The following ERGIC1 variants were observed in gnomAD, a reference collection of about 807,000 sequenced individuals.
ERGIC1 encodes the protein endoplasmic reticulum-golgi intermediate compartment 1.
ERGIC1 carries 19 observed loss-of-function variants against 38.3 expected under a neutral mutation model. The ratio of observed to expected loss-of-function variants is 0.50; its 90% CI spans 0.35 to 0.73. The LOEUF is 0.73. Ranked by LOEUF, ERGIC1 falls within the 30% of genes least tolerant of loss-of-function variation. The pLI is 0.01. For missense variants in ERGIC1, 294 were observed against 389.2 expected (o/e 0.76, Z 2.06); for synonymous variants, 124 against 157.6 (o/e 0.79, Z 1.60).
chr5:172,872,739 C>A (rs537998374), intron 1 of ERGIC1, among the ~76,000 whole-genome samples: 1 of 151,844 alleles, frequency 6.6e-6, no homozygotes, highest in Non-Finnish European at 1.5e-5. Context: ...TGCTTGAGCC[C>A]GGGATGGGGA....
At position 172,935,766 on chromosome 5, in the gene ERGIC1, C is replaced by G. The variant is rs181025407; in HGVS notation, c.765+456C>G. On this transcript the variant is annotated intron_variant, in intron 9 of 9. Coordinates refer to ENST00000393784, the MANE Select transcript of ERGIC1 (RefSeq NM_001031711.3). The stretch of plus-strand genomic sequence containing the variant: ...TTTCCCTTTCCTTCCTCTCTGTTCT[C>G]TCTTTTTTGCCATGGTCTCTACCAC... 1.7e-3 allele frequency: 284 copies of G among 167,576 alleles called. 2 individuals are homozygous for G. The highest frequency in any genetic ancestry group is 6.6e-3 in the African/African-American group (276 of 41,888). The allele number at this position is 167,576 out of a possible 1,614,324, so 10.4% of individuals were successfully genotyped here.
rs555965789 is a variant in ERGIC1, at chr5:172,906,185, G to A, written c.156-3482G>A. The A allele has an allele frequency of 6.6e-5, 30 of 456,168 alleles. No individual in the cohort carries two copies. In the East Asian group the frequency reaches 1.5e-3, roughly 23 times the overall value. The allele number at this position is 456,168 out of a possible 1,614,324, so 28.3% of individuals were successfully genotyped here. ...TACAAGCAAGGTCAAGCGCAGGTCCGTGTCTCCCCTCTCCCATCCTAAGGC... is the reference window on the plus strand; with the variant it reads ...TACAAGCAAGGTCAAGCGCAGGTCCATGTCTCCCCTCTCCCATCCTAAGGC... On this transcript the variant is annotated intron_variant, in intron 3 of 9. Coordinates refer to ENST00000393784, the MANE Select transcript of ERGIC1 (RefSeq NM_001031711.3).
At position 172,861,008 on chromosome 5, in the gene ERGIC1, T is replaced by G. The variant is rs1761684223; in HGVS notation, c.20+26575T>G. ...TCTGGGTGAAACTCATCCACCCTCCTGGGCACTCTGCGCTCTGCTTCAAAT... is the reference window on the plus strand; with the variant it reads ...TCTGGGTGAAACTCATCCACCCTCCGGGGCACTCTGCGCTCTGCTTCAAAT... On this transcript the variant is annotated intron_variant, in intron 1 of 9. Coordinates refer to ENST00000393784, the MANE Select transcript of ERGIC1 (RefSeq NM_001031711.3). 2.6e-5 allele frequency among the ~76,000 whole-genome samples: 4 copies of G among 152,128 alleles called. No individual in the cohort carries two copies. The South Asian group carries it at 8.3e-4, about 32-fold the overall frequency.
At chr5:172,929,529 G>A (rs1763729387) in intron 7 of ERGIC1, among the ~76,000 whole-genome samples, 1 of 152,122 alleles carries the variant, frequency 6.6e-6, no homozygotes, top group Non-Finnish European at 1.5e-5. Context: ...TGTATCAAAG[G>A]CCTTAAAAAT....
rs1338220456 is a variant in ERGIC1, at chr5:172,909,692, C to G, written c.181C>G (p.Pro61Ala). 1.2e-6 allele frequency: 2 copies of G among 1,614,190 alleles called. No homozygotes were observed. Among genetic ancestry groups the G allele is most frequent in the Non-Finnish European group, 8.5e-7 (1 of 1,180,024 alleles). ...EVVNELYVDD[P>A]DKDSGGKIDV... ...TGTGAACGAGCTCTATGTCGATGAC[C>G]CAGACAAGGACAGCGGTGGCAAGAT... Residue 61 changes from proline to alanine, a missense_variant, in exon 4 of 10, where the codon CCA becomes GCA. By Grantham distance (27) the Pro-to-Ala change is conservative. This residue lies in a region of ERGIC1 where 163 missense variants were observed against 225.8 expected (regional missense o/e 0.72). Coordinates refer to ENST00000393784, the MANE Select transcript of ERGIC1 (RefSeq NM_001031711.3).
intron 1 of ERGIC1, among the ~76,000 whole-genome samples, chr5:172,843,241 G>A (rs4867692): frequency 0.17 from 25,188 of 152,094 alleles, 2,229 homozygotes; most frequent in East Asian, 0.33. Flanking sequence ...CAGGTGTATG[G>A]TTTGCAAATG....
At chr5:172,845,013 C>T (rs902646261) in intron 1 of ERGIC1, among the ~76,000 whole-genome samples, 1 of 139,078 alleles carries the variant, frequency 7.2e-6, no homozygotes, top group Non-Finnish European at 1.6e-5. Context: ...TTTCCCATTC[C>T]CATCTTCTTG....
chr5:172,898,002 G>GC, intron 3 of ERGIC1: 1 of 410,342 alleles, frequency 2.4e-6, no homozygotes, highest in Non-Finnish European at 4.4e-6. Flanking sequence ...CTCATCGGAC[G>GC]CCCCTCTGTG....
chr5:172,878,373 A>G (rs1452604520), intron 1 of ERGIC1, among the ~76,000 whole-genome samples: 2 of 152,174 alleles, frequency 1.3e-5, no homozygotes, highest in South Asian at 2.1e-4. Flanking sequence ...AGGGGTGAGA[A>G]GAATTGTTCT....
In ERGIC1 at chr5:172,926,442, A is replaced by G; in HGVS notation, c.481-67A>G. ...ACCAGGTGGTACCTGGCCATCCCCC[A>G]CAACCAGGGCCAGGCCTGGAGGTGG... On this transcript the variant is annotated intron_variant, in intron 6 of 9. Coordinates refer to ENST00000393784, the MANE Select transcript of ERGIC1 (RefSeq NM_001031711.3). This position sits in a 1 kb window ranked among gnomAD's most constrained non-coding sequence, Gnocchi z 5.2. 1 of 1,591,734 alleles carries G rather than the reference A, an allele frequency of 6.3e-7. No individual in the cohort carries two copies.
intron 5 of ERGIC1, among the ~76,000 whole-genome samples, chr5:172,919,925 C>T (rs1763467542): frequency 6.6e-6 from 1 of 152,176 alleles, no homozygotes; most frequent in Admixed American, 6.5e-5. Flanking sequence ...GGTTCTTACC[C>T]AGCCCTTTCC....
intron 4 of ERGIC1, among the ~76,000 whole-genome samples, chr5:172,910,669 T>G (rs1010043556): frequency 6.6e-6 from 1 of 151,864 alleles, no homozygotes; most frequent in African/African-American, 2.4e-5. Context: ...GGATTACAGG[T>G]GCGCACCACC....
At chr5:172,939,172 G>A (rs1006953702) in intron 9 of ERGIC1, among the ~76,000 whole-genome samples, 1 of 152,258 alleles carries the variant, frequency 6.6e-6, no homozygotes, top group Non-Finnish European at 1.5e-5. Context: ...CCCCGTAGCA[G>A]GCACCAGGGT....
chr5:172,905,404 G>T, intron 3 of ERGIC1: 2 of 453,366 alleles, frequency 4.4e-6, no homozygotes, highest in Admixed American at 2.4e-5. Flanking sequence ...CCTGTTACCG[G>T]CGGGTCTTTG....
intron 1 of ERGIC1, among the ~76,000 whole-genome samples, chr5:172,836,537 T>A (rs1761041062): frequency 6.6e-6 from 1 of 152,208 alleles, no homozygotes; most frequent in Non-Finnish European, 1.5e-5. Flanking sequence ...CCAGCAAACC[T>A]GCACTCTTTA....
At chr5:172,874,106 C>G (rs764798985) in intron 1 of ERGIC1, among the ~76,000 whole-genome samples, 2 of 151,962 alleles carry the variant, frequency 1.3e-5, no homozygotes, top group South Asian at 4.2e-4. Flanking sequence ...TGAGATGGAG[C>G]CTTGCTCTGT....
chr5:172,894,891 A>G (rs1163430413), intron 2 of ERGIC1, among the ~76,000 whole-genome samples: 1 of 152,242 alleles, frequency 6.6e-6, no homozygotes, highest in Non-Finnish European at 1.5e-5. Context: ...GTTTGTTTTG[A>G]AGACAGATAG....
chr5:172,906,649 A>G (rs2113361440), intron 3 of ERGIC1, among the ~76,000 whole-genome samples: 1 of 152,276 alleles, frequency 6.6e-6, no homozygotes, highest in Admixed American at 6.5e-5. Flanking sequence ...TTTCCCTAAG[A>G]TGTGGCCATT....
chr5:172,930,478 G>A (rs1383961383), intron 7 of ERGIC1, among the ~76,000 whole-genome samples: 1 of 151,972 alleles, frequency 6.6e-6, no homozygotes, highest in Admixed American at 6.6e-5. Context: ...TAGTAGCCGG[G>A]ACTACAGGTG....
Sources: gnomAD v4.1 joint callset for allele counts (sites outside exome capture counted in the v4.1 genomes callset) on GRCh38, gnomAD v4.1.1 for gene constraint, gnomAD v4.1.1 regional missense constraint, Gnocchi (gnomAD v3.1) non-coding constraint, MANE v1.5 for transcripts, NCBI Gene and HGNC (gene_info 2026-07-23, HGNC 2026-07-21) for gene names.